Variants in DEAF1 observed in about 807,000 individuals in gnomAD.
The protein encoded by DEAF1 is deformed epidermal autoregulatory factor 1 homolog.
Under a neutral mutation model 58.9 loss-of-function variants are expected in DEAF1, and 53 were observed. The ratio of observed to expected loss-of-function variants is 0.90; its 90% CI spans 0.72 to 1.13. The LOEUF (loss-of-function observed/expected upper bound fraction) is 1.13, where lower values mean the gene tolerates loss of function less well. Among genes scored for constraint, DEAF1 ranks in the 50% most tolerant of loss-of-function variants. The pLI is 0.00. For synonymous variants in DEAF1, 385 were observed against 340.4 expected, an observed-to-expected ratio of 1.13 and a Z score of -1.44; for missense variants, 685 against 791.4, an observed-to-expected ratio of 0.87 and a Z score of 1.61.
chr11:686,957 G>C lies in DEAF1; in HGVS notation c.705C>G (p.Tyr235Ter). The change falls in exon 5 of 12, where the codon TAC (tyrosine) becomes TAG (stop). Residue 235 changes from tyrosine (Y) to a stop codon, truncating the protein, a stop_gained. Coordinates refer to ENST00000382409, the MANE Select transcript of DEAF1 (RefSeq NM_021008.4). LOFTEE classifies it high-confidence loss of function. The stretch of plus-strand genomic sequence containing the variant: ...CCATGGCCTCAAACTCGGTGGGACT[G>C]TACCAGTTCTCCCCCTGCTTGATGC... ...GRCIKQGENW[Y>*]SPTEFEAMAG... The C allele has an allele frequency of 6.2e-7, 1 of 1,614,206 alleles. No individual in the cohort carries two copies. Among genetic ancestry groups the C allele is most frequent in the South Asian group, 1.1e-5 (1 of 91,086 alleles).
rs1861586935 is a variant in DEAF1 at position 703,360 on chromosome 11, G to A, written c.-438+3212C>T. 11 of 1,393,936 alleles carry A rather than the reference G, an allele frequency of 7.9e-6. No homozygotes were observed. In the South Asian group the frequency reaches 2.0e-4, roughly 25 times the overall value. The allele number at this position is 1,393,936 out of a possible 1,614,324, so 86.3% of individuals were successfully genotyped here. On this transcript the variant is annotated intron_variant, in intron 1 of 11. Coordinates refer to the DEAF1 transcript ENST00000683307. The stretch of plus-strand genomic sequence containing the variant: ...GGAGGCCCTGGTGTTGGGAACAGCT[G>A]CGGGGAGGGTAGGGACCAGACAGAA...
At chr11:648,767 G>C (rs1858618236) in intron 11 of DEAF1, among the ~76,000 whole-genome samples, 1 of 151,922 alleles carries the variant, frequency 6.6e-6, no homozygotes, top group South Asian at 2.1e-4. Flanking sequence ...ACCTATAGCA[G>C]TAAGAAAATA....
At chr11:695,875 G>T, upstream of DEAF1, 1 of 1,223,390 alleles carries the variant, frequency 8.2e-7, no homozygotes, top group Non-Finnish European at 1.0e-6. Context: ...GGGGCTTCCG[G>T]GCTTGCAGCG....
chr11:664,146 G>A (rs917269105), intron 10 of DEAF1, among the ~76,000 whole-genome samples: 1 of 152,172 alleles, frequency 6.6e-6, no homozygotes, highest in South Asian at 2.1e-4. Flanking sequence ...CCAGGAGGCA[G>A]AGGTTGCGGT....
upstream of DEAF1, chr11:695,548 C>G (rs1861089023): frequency 4.2e-6 from 5 of 1,200,918 alleles, no homozygotes; most frequent in Admixed American, 4.2e-5. Context: ...GTTCCCGCCG[C>G]CGGCGGAAGC....
chr11:687,905 C>CCTCACCTGAGCCGAGCCTGTT lies in DEAF1; in HGVS notation c.649_664+5dup, dbSNP rs1305368047. 3.7e-6 allele frequency: 6 copies of CCTCACCTGAGCCGAGCCTGTT among 1,613,940 alleles called. No homozygotes were observed. Among genetic ancestry groups the CCTCACCTGAGCCGAGCCTGTT allele is most frequent in the Non-Finnish European group, 5.1e-6 (6 of 1,180,028 alleles). On this transcript the variant is annotated splice_donor_region_variant and intron_variant, in intron 4 of 11. Coordinates refer to ENST00000382409, the MANE Select transcript of DEAF1 (RefSeq NM_021008.4). ...CAACTTTGGAGTCTGAAGTGGCAGT[C>CCTCACCTGAGCCGAGCCTGTT]CTCACCTGAGCCGAGCCTGTTCTTG...
At chr11:662,244 C>T (rs1859350721) in intron 10 of DEAF1, among the ~76,000 whole-genome samples, 1 of 152,162 alleles carries the variant, frequency 6.6e-6, no homozygotes, top group African/African-American at 2.4e-5. Flanking sequence ...GATCGCGCCA[C>T]TGCACTCCAG....
At chr11:681,888 T>A (rs1481326329) in intron 6 of DEAF1, among the ~76,000 whole-genome samples, 1 of 152,178 alleles carries the variant, frequency 6.6e-6, no homozygotes, top group Admixed American at 6.5e-5. Flanking sequence ...CTCCAGGCAA[T>A]TTCTGTTGCC....
At chr11:698,430 T>C (rs974198727), upstream of DEAF1, among the ~76,000 whole-genome samples, 7 of 152,228 alleles carry the variant, frequency 4.6e-5, no homozygotes, top group African/African-American at 1.7e-4. Flanking sequence ...AGCAAATGTC[T>C]CATCAATCAT....
chr11:674,924 C>CA (rs1225414018), intron 9 of DEAF1, 141 bp from the exon 10 acceptor site: 1 of 1,091,110 alleles, frequency 9.2e-7, no homozygotes, highest in Non-Finnish European at 1.3e-6. Context: ...GCAGGCGGAT[C>CA]ATGAGGTCAG....
In DEAF1 at chr11:644,538, G is replaced by A; in HGVS notation, c.*12C>T. ...GCGAGGGGCCCCAGCTCCCAGGGCGGCCGATGGAGCCTCACACGGTCACCT... is the reference window on the plus strand; with the variant it reads ...GCGAGGGGCCCCAGCTCCCAGGGCGACCGATGGAGCCTCACACGGTCACCT... On this transcript the variant is annotated 3_prime_UTR_variant, in exon 12 of 12. Coordinates refer to ENST00000382409, the MANE Select transcript of DEAF1 (RefSeq NM_021008.4). The surrounding 1 kb of genome is among the most constrained non-coding windows in gnomAD (Gnocchi z 4.3). The A allele has an allele frequency of 6.2e-7, 1 of 1,609,320 alleles. No homozygotes were observed.
At chr11:670,815 T>C (rs1261119372) in intron 10 of DEAF1, among the ~76,000 whole-genome samples, 1 of 145,406 alleles carries the variant, frequency 6.9e-6, no homozygotes, top group Non-Finnish European at 1.5e-5. Context: ...TCTCACTCTG[T>C]TGCCCAGGCT....
In DEAF1 at chr11:688,558, G is replaced by A; in HGVS notation, c.388-98C>T. On this transcript the variant is annotated intron_variant, in intron 2 of 11. Transcript: ENST00000382409. This position sits in a 1 kb window ranked among gnomAD's most constrained non-coding sequence, Gnocchi z 4.3. ...CGTCCTCCAGCAGGGCTCTCTGGCTGTTCTCACCAAGAAGGGACGCTCACC... is the reference window on the plus strand; with the variant it reads ...CGTCCTCCAGCAGGGCTCTCTGGCTATTCTCACCAAGAAGGGACGCTCACC... 1.3e-6 allele frequency: 2 copies of A among 1,504,162 alleles called. No individual in the cohort carries two copies. 93.2% of individuals were successfully genotyped at this position (1,504,162 alleles called of 1,614,324 possible).
At chr11:694,696 G>A in intron 1 of DEAF1, 63 bp downstream of exon 1, 1 of 1,272,006 alleles carries the variant, frequency 7.9e-7, no homozygotes. Context: ...AGTTGTGCGG[G>A]GCAGGCGCGC....
At chr11:663,255 T>C (rs1385913680) in intron 10 of DEAF1, among the ~76,000 whole-genome samples, 1 of 152,202 alleles carries the variant, frequency 6.6e-6, no homozygotes, top group Middle Eastern at 3.2e-3. Context: ...AAAACCAGCC[T>C]GGCTAATAAC....
At chr11:685,678 G>A (rs537896243) in intron 5 of DEAF1, among the ~76,000 whole-genome samples, 38 of 152,062 alleles carry the variant, frequency 2.5e-4, no homozygotes, top group Non-Finnish European at 4.4e-4. Context: ...CTGGGCAACA[G>A]AGGGAGGCCT....
At chr11:692,893 C>T (rs1451535852) in intron 1 of DEAF1, among the ~76,000 whole-genome samples, 1 of 151,992 alleles carries the variant, frequency 6.6e-6, no homozygotes, top group Non-Finnish European at 1.5e-5. Context: ...GTCTCCACGA[C>T]CAGACCACAC....
intron 1 of DEAF1, among the ~76,000 whole-genome samples, chr11:701,565 C>T (rs1413205436): frequency 6.6e-6 from 1 of 152,072 alleles, no homozygotes. Flanking sequence ...TGCCCGCCAC[C>T]ACGCCCGGCT....
intron 9 of DEAF1, among the ~76,000 whole-genome samples, chr11:675,242 G>A (rs529485645): frequency 7.2e-5 from 11 of 152,152 alleles, no homozygotes; most frequent in Admixed American, 2.6e-4. Context: ...CTCATCACCC[G>A]GTGCAGTGGC....
Sources: allele counts gnomAD v4.1 joint callset (sites outside exome capture counted in the v4.1 genomes callset), GRCh38; gene constraint gnomAD v4.1.1; non-coding constraint Gnocchi (gnomAD v3.1); transcripts MANE v1.5; gene names NCBI Gene and HGNC (gene_info 2026-07-23, HGNC 2026-07-21).